CCDC171: variants seen among roughly 807,000 people sequenced by gnomAD.
CCDC171 encodes coiled-coil domain containing 171, also known as coiled-coil domain-containing protein 171.
A neutral mutation model predicts 168.2 loss-of-function variants in CCDC171; 177 were observed. The ratio of observed to expected loss-of-function variants is 1.05; its 90% CI spans 0.93 to 1.19. CCDC171 has a LOEUF of 1.19. Among genes scored for constraint, CCDC171 ranks in the 50% most tolerant of loss-of-function variants. The pLI, the probability that CCDC171 is intolerant of heterozygous loss-of-function variation, is 0.00. For missense variants in CCDC171, 1,991 were observed against 1,539.0 expected (o/e 1.29, Z -4.91); for synonymous variants, 687 against 540.8 (o/e 1.27, Z -3.75).
intron 24 of CCDC171, among the ~76,000 whole-genome samples, chr9:15,902,653 T>C (rs1285474646): frequency 6.6e-6 from 1 of 152,128 alleles, no homozygotes; most frequent in Non-Finnish European, 1.5e-5. Flanking sequence ...AGGTACCGGG[T>C]TCATCTCACT....
At chr9:15,712,693 G>A (rs1008585679) in intron 11 of CCDC171, among the ~76,000 whole-genome samples, 1 of 152,132 alleles carries the variant, frequency 6.6e-6, no homozygotes, top group African/African-American at 2.4e-5. Context: ...TGATCAACCT[G>A]CCACCAAGTT....
intron 25 of CCDC171, among the ~76,000 whole-genome samples, chr9:15,944,391 G>A (rs1406112046): frequency 1.3e-5 from 2 of 151,950 alleles, no homozygotes; most frequent in Non-Finnish European, 2.9e-5. Flanking sequence ...TGAGCCAGAG[G>A]GTTGCTAAAA....
At chr9:16,032,491 TG>T (rs1234390148) in intron 6 of CCDC171, among the ~76,000 whole-genome samples, 1 of 152,192 alleles carries the variant, frequency 6.6e-6, no homozygotes, top group Non-Finnish European at 1.5e-5. Flanking sequence ...GTGGCCAGTC[TG>T]GGATCTGGCT....
chr9:15,883,024 TCC>T (rs1563932792), intron 24 of CCDC171: 3 of 177,708 alleles, frequency 1.7e-5, no homozygotes, highest in Admixed American at 6.2e-5. Context: ...CTTCCTCCCC[TCC>T]CCTCCCCTTC....
intron 6 of CCDC171, among the ~76,000 whole-genome samples, chr9:16,024,356 C>G (rs549728512): frequency 2.0e-5 from 3 of 152,264 alleles, no homozygotes; most frequent in South Asian, 4.1e-4. Context: ...CTTAGAGCAT[C>G]CACTCTAAAG....
chr9:15,621,011 G>A (rs2044460729), intron 6 of CCDC171, among the ~76,000 whole-genome samples: 1 of 152,140 alleles, frequency 6.6e-6, no homozygotes, highest in African/African-American at 2.4e-5. Flanking sequence ...TCTCGCCCAG[G>A]CTGGAGTGCA....
chr9:16,107,267 A>C, the CCDC171 span, among the ~76,000 whole-genome samples: 1 of 152,116 alleles, frequency 6.6e-6, no homozygotes, highest in East Asian at 1.9e-4. Flanking sequence ...CTCCCACCTT[A>C]GCCTCCTGAG....
intron 9 of CCDC171, among the ~76,000 whole-genome samples, chr9:15,677,153 C>G (rs1044716811): frequency 6.6e-6 from 1 of 151,992 alleles, no homozygotes; most frequent in Non-Finnish European, 1.5e-5. Flanking sequence ...ATTCTTTGCA[C>G]CTTATTCATC....
intron 22 of CCDC171, 42 bp from the exon 23 acceptor site, chr9:15,848,851 A>C (rs1204163873): frequency 1.5e-5 from 17 of 1,127,146 alleles, no homozygotes; most frequent in Non-Finnish European, 2.1e-5. Flanking sequence ...AGTTGTAGTA[A>C]GGTTTGAGTT....
In CCDC171 at chr9:15,770,560, C is replaced by A. The variant is rs551416505; in HGVS notation, c.2672-7040C>A. On this transcript the variant is annotated intron_variant, in intron 18 of 25. Coordinates refer to ENST00000380701, the MANE Select transcript of CCDC171 (RefSeq NM_173550.4). Reference sequence around the variant, plus strand: ...CATTTGTCTAAATCAGAATATGTTTCTGGATATTCTTATTTGGGGGCATTT... The same window carrying A: ...CATTTGTCTAAATCAGAATATGTTTATGGATATTCTTATTTGGGGGCATTT... 2.0e-5 allele frequency among the ~76,000 whole-genome samples: 3 copies of A among 152,116 alleles called. No individual in the cohort carries two copies. The South Asian group carries it at 6.2e-4, about 32-fold the overall frequency.
intron 23 of CCDC171, among the ~76,000 whole-genome samples, chr9:15,865,421 T>G (rs2061736095): frequency 6.6e-6 from 1 of 150,782 alleles, no homozygotes; most frequent in African/African-American, 2.4e-5. Context: ...AAGTTGACCC[T>G]TGAACACATG....
intron 23 of CCDC171, among the ~76,000 whole-genome samples, chr9:15,865,909 A>G (rs1007647567): frequency 6.6e-6 from 1 of 151,654 alleles, no homozygotes; most frequent in Admixed American, 6.6e-5. Context: ...TTATTCTCAT[A>G]TGTGGCATAC....
At chr9:15,678,981 A>G (rs2049843931) in intron 10 of CCDC171, 85 bp downstream of exon 10, 2 of 1,018,002 alleles carry the variant, frequency 2.0e-6, no homozygotes, top group South Asian at 3.2e-5. Flanking sequence ...ACCACATTCC[A>G]TGAGATAATA....
At chr9:15,984,443 T>C (rs368007275) in intron 3 of CCDC171, among the ~76,000 whole-genome samples, 1 of 41,946 alleles carries the variant, frequency 2.4e-5, no homozygotes, top group Non-Finnish European at 4.6e-5. Context: ...TGTGTGTATA[T>C]ATATATATAT....
chr9:15,698,290 G>C (rs987586288), intron 11 of CCDC171, among the ~76,000 whole-genome samples: 9 of 152,136 alleles, frequency 5.9e-5, no homozygotes, highest in African/African-American at 1.9e-4. Flanking sequence ...GGGAGGCCGA[G>C]GGGGGTGGAT....
intron 18 of CCDC171, among the ~76,000 whole-genome samples, chr9:15,765,605 A>G (rs2056678935): frequency 6.6e-6 from 1 of 152,230 alleles, no homozygotes; most frequent in Non-Finnish European, 1.5e-5. Flanking sequence ...AATAAGCAAG[A>G]CTATCAATTG....
chr9:15,695,454 A>C, intron 11 of CCDC171, 117 bp downstream of exon 11: 3 of 786,122 alleles, frequency 3.8e-6, no homozygotes, highest in Non-Finnish European at 6.7e-6. Flanking sequence ...TGATTTGATG[A>C]CATGATAAGA....
Position 15,770,486 on chromosome 9 carries a change from G to A in CCDC171, c.2672-7114G>A, listed in dbSNP as rs917920438. 7.2e-4 allele frequency among the ~76,000 whole-genome samples: 109 copies of A among 152,054 alleles called. 1 individual carries two copies. Among genetic ancestry groups the A allele is most frequent in the African/African-American group, 2.4e-3 (100 of 41,408 alleles). On this transcript the variant is annotated intron_variant, in intron 18 of 25. Coordinates refer to ENST00000380701, the MANE Select transcript of CCDC171 (RefSeq NM_173550.4). Reference sequence around the variant, plus strand: ...CATAGGTTCCACCAGACTGCCAAAGGTATCTACAGTACAAATGTATCATTT... The same window carrying A: ...CATAGGTTCCACCAGACTGCCAAAGATATCTACAGTACAAATGTATCATTT...
At chr9:15,687,647 A>C (rs1274893472) in intron 10 of CCDC171, among the ~76,000 whole-genome samples, 1 of 152,212 alleles carries the variant, frequency 6.6e-6, no homozygotes, top group African/African-American at 2.4e-5. Context: ...TACACTCATC[A>C]AAAAAGGAGA....
Sources: gnomAD v4.1 joint callset for allele counts (sites outside exome capture counted in the v4.1 genomes callset) on GRCh38, gnomAD v4.1.1 for gene constraint, MANE v1.5 for transcripts, NCBI Gene and HGNC (gene_info 2026-07-23, HGNC 2026-07-21) for gene names.